Variants in NEU3 observed in about 807,000 individuals in gnomAD.
NEU3 encodes the protein sialidase-3.
In NEU3, 10 loss-of-function variants were observed where a neutral mutation model predicts 11.4. The observed-to-expected ratio is 0.88, with a 90% CI of 0.54 to 1.49. The LOEUF is 1.49. NEU3 is among the 40% of genes most tolerant of loss of function. The pLI is 0.00. For missense variants in NEU3, 529 were observed against 581.8 expected (o/e 0.91, Z 0.93); for synonymous variants, 212 against 228.2 (o/e 0.93, Z 0.64).
Position 75,007,058 on chromosome 11 carries a change from C to T in NEU3, c.*566C>T, listed in dbSNP as rs1040384011. 4 of 152,750 alleles carry T rather than the reference C, an allele frequency of 2.6e-5. No homozygotes were observed. The highest frequency in any genetic ancestry group is 9.7e-5 in the African/African-American group (4 of 41,450). 9.5% of individuals were successfully genotyped at this position (152,750 alleles called of 1,614,324 possible). On this transcript the variant is annotated 3_prime_UTR_variant, in exon 3 of 3. Coordinates refer to ENST00000294064, the MANE Select transcript of NEU3 (RefSeq NM_006656.6). ...AATAATGCTCAGTTCTGTAGGCTCT[C>T]TATCCTAGAGGAATTGAGCAAAACA...
Position 74,994,697 on chromosome 11 carries a change from T to C in NEU3, c.283T>C (p.Leu95=), listed in dbSNP as rs1319915842. The C allele has an allele frequency of 6.2e-7, 1 of 1,613,748 alleles. No individual in the cohort carries two copies. Among genetic ancestry groups the C allele is most frequent in the East Asian group, 2.2e-5 (1 of 44,882 alleles). The part of the protein sequence containing the change: ...DALHLVLRRG[L]RIGQLVQWGP... ...TCTCCACCTGGTGCTGAGGCGAGGG[T>C]TGAGGATTGGGCAGTTGGTACAGGT... The change falls in exon 2 of 3, where the codon TTG becomes CTG. Residue 95 remains leucine, a synonymous_variant. Transcript: ENST00000294064.
chr11:74,991,786 T>TGTTAAAAG (rs1948734886), intron 1 of NEU3, among the ~76,000 whole-genome samples: 2 of 152,302 alleles, frequency 1.3e-5, no homozygotes, highest in Non-Finnish European at 2.9e-5. Flanking sequence ...CTTTTAACCC[T>TGTTAAAAG]CAGTTGGCTA....
Position 75,006,457 on chromosome 11 carries a change from C to T in NEU3, c.1351C>T (p.Pro451Ser), listed in dbSNP as rs1565497917. Reference protein sequence around the residue: ...LSHLQGDCTSPGRNPSQFKSN With the variant: ...LSHLQGDCTSSGRNPSQFKSN ...TCACCTGCAGGGGGACTGCACCAGC[C>T]CTGGTAGGAACCCAAGCCAATTCAA... The change falls in exon 3 of 3, where the codon CCT becomes TCT. Residue 451 changes from proline to serine, a missense_variant. By Grantham distance (74) the Pro-to-Ser change is moderately conservative (BLOSUM62 -1). Coordinates refer to ENST00000294064, the MANE Select transcript of NEU3 (RefSeq NM_006656.6). 1.2e-6 allele frequency: 2 copies of T among 1,613,408 alleles called. No individual in the cohort carries two copies. Among genetic ancestry groups the T allele is most frequent in the Middle Eastern group, 1.6e-4 (1 of 6,062 alleles).
rs149743041 is a variant in NEU3 at position 75,004,427 on chromosome 11, A to C, written c.307-986A>C. On this transcript the variant is annotated intron_variant, in intron 2 of 2. Transcript: ENST00000294064. The stretch of plus-strand genomic sequence containing the variant: ...CATTGTCAGTTTCGTTTTAATTTGC[A>C]TTTCTCTCTTATGAGTGAAGCTGAA... The C allele has an allele frequency of 2.1e-3, 1,021 of 487,746 alleles. 7 individuals carry two copies. Among genetic ancestry groups the C allele is most frequent in the African/African-American group, 0.019 (916 of 49,498 alleles). The allele number at this position is 487,746 out of a possible 1,614,324, so 30.2% of individuals were successfully genotyped here. A position where few individuals can be genotyped will look rare whatever the true frequency, so the allele number is the denominator to read the frequency against.
At chr11:74,995,913 C>G (rs981365017) in intron 2 of NEU3, among the ~76,000 whole-genome samples, 1 of 151,878 alleles carries the variant, frequency 6.6e-6, no homozygotes, top group Non-Finnish European at 1.5e-5. Flanking sequence ...CAGAACTTTG[C>G]GAGGCCAAAG....
At chr11:74,999,589 T>G (rs1360721759) in intron 2 of NEU3, among the ~76,000 whole-genome samples, 5 of 152,240 alleles carry the variant, frequency 3.3e-5, no homozygotes, top group African/African-American at 9.6e-5. Context: ...GATACTTGAC[T>G]CTTCTCTGTT....
rs922416405 is a variant in NEU3, at chr11:75,009,181, C to G, written c.*2689C>G. The G allele has an allele frequency of 3.9e-5, 6 of 152,206 alleles. No homozygotes were observed. Among genetic ancestry groups the G allele is most frequent in the African/African-American group, 1.2e-4 (5 of 41,394 alleles). The allele number at this position is 152,206 out of a possible 1,614,324, so 9.4% of individuals were successfully genotyped here. A position where few individuals can be genotyped will look rare whatever the true frequency, so the allele number is the denominator to read the frequency against. On this transcript the variant is annotated 3_prime_UTR_variant, in exon 3 of 3. Transcript: ENST00000294064. Reference sequence around the variant, plus strand: ...GAAAAAACAGATCAGAAGAAGAGTCCTGGCACCTTAGGAAGAGAAAGTGTC... The same window carrying G: ...GAAAAAACAGATCAGAAGAAGAGTCGTGGCACCTTAGGAAGAGAAAGTGTC...
chr11:74,981,603 A>ATAC, the NEU3 span, among the ~76,000 whole-genome samples: 267 of 152,290 alleles, frequency 1.8e-3, no homozygotes, highest in Non-Finnish European at 2.5e-3. Context: ...GTTGCTGGCT[A>ATAC]TACCATAAGT....
At position 75,006,734 on chromosome 11, in the gene NEU3, T is replaced by C; in HGVS notation, c.*242T>C. ...CTGCCACTGGCTTGCTTTTGGACCT[T>C]GGATGTGTCACCTGAACTCTCTGGA... On this transcript the variant is annotated 3_prime_UTR_variant, in exon 3 of 3. Coordinates refer to ENST00000294064, the MANE Select transcript of NEU3 (RefSeq NM_006656.6). 2.1e-6 allele frequency: 1 copy of C among 483,754 alleles called. No individual in the cohort carries two copies. Among genetic ancestry groups the C allele is most frequent in the Non-Finnish European group, 3.7e-6 (1 of 273,008 alleles). The allele number at this position is 483,754 out of a possible 1,614,324, so 30.0% of individuals were successfully genotyped here.
intron 1 of NEU3, among the ~76,000 whole-genome samples, chr11:74,994,094 A>C (rs1210098422): frequency 6.6e-6 from 1 of 152,230 alleles, no homozygotes; most frequent in Non-Finnish European, 1.5e-5. Flanking sequence ...TTCGTACAGA[A>C]AAAAAGTTTT....
upstream of NEU3, among the ~76,000 whole-genome samples, chr11:74,987,442 T>C (rs1051575410): frequency 1.3e-5 from 2 of 152,196 alleles, no homozygotes; most frequent in African/African-American, 2.4e-5. Context: ...GCTAATCTTA[T>C]AAATTTTCTT....
chr11:74,992,449 C>G (rs1416006007), intron 1 of NEU3, among the ~76,000 whole-genome samples: 1 of 152,206 alleles, frequency 6.6e-6, no homozygotes, highest in Non-Finnish European at 1.5e-5. Flanking sequence ...ATTGTTCTTA[C>G]AGCCTGATAA....
downstream of NEU3, among the ~76,000 whole-genome samples, chr11:75,020,094 C>CTGCTGGATT (rs1485340680): frequency 7.9e-5 from 12 of 152,290 alleles, no homozygotes; most frequent in South Asian, 1.0e-3. Flanking sequence ...TTTGACTGCC[C>CTGCTGGATT]TGCTGGATTT....
At chr11:74,991,723 C>CA (rs1948734238) in intron 1 of NEU3, among the ~76,000 whole-genome samples, 1 of 152,218 alleles carries the variant, frequency 6.6e-6, no homozygotes, top group Admixed American at 6.5e-5. Flanking sequence ...CCCCAAAACT[C>CA]ACTGTTTTCT....
chr11:75,005,307 T>A, intron 2 of NEU3, 106 bp from the exon 3 acceptor site: 1 of 1,217,296 alleles, frequency 8.2e-7, no homozygotes, highest in Non-Finnish European at 1.1e-6. Flanking sequence ...TTTTATAGAT[T>A]TCAATATCAT....
downstream of NEU3, among the ~76,000 whole-genome samples, chr11:75,013,276 TC>T (rs1948967605): frequency 6.6e-6 from 1 of 151,736 alleles, no homozygotes; most frequent in East Asian, 1.9e-4. Context: ...ATCTGATGAG[TC>T]AGTGAATCCT....
Position 74,992,186 on chromosome 11 carries a change from A to G in NEU3, c.95-2323A>G, listed in dbSNP as rs1427288428. 2.0e-5 allele frequency among the ~76,000 whole-genome samples: 3 copies of G among 152,234 alleles called. No homozygotes were observed. The East Asian group carries it at 5.8e-4, about 29-fold the overall frequency. ...ATGAGGCAGGAGTTCTTTTGGCTCA[A>G]TCATTCTCTCCAAAAATCCTTCTCT... On this transcript the variant is annotated intron_variant, in intron 1 of 2. Coordinates refer to ENST00000294064, the MANE Select transcript of NEU3 (RefSeq NM_006656.6).
At chr11:74,984,502 C>G (rs116062492), upstream of NEU3, among the ~76,000 whole-genome samples, 385 of 152,252 alleles carry the variant, frequency 2.5e-3, 2 homozygotes, top group African/African-American at 8.9e-3. Context: ...TAGTAACAGG[C>G]TATCTTGTTA....
In NEU3 at chr11:74,991,200, G is replaced by A. The variant is rs550853941; in HGVS notation, c.94+2046G>A. 1.2e-3 allele frequency among the ~76,000 whole-genome samples: 187 copies of A among 152,244 alleles called. 1 individual carries two copies. In the South Asian group the frequency reaches 0.037, roughly 30 times the overall value. ...GCTTAGAACAAAGCCTGACCCTCCC[G>A]GGGAGGAGAGCCTGAATTGAGGGGA... On this transcript the variant is annotated intron_variant, in intron 1 of 2. Coordinates refer to ENST00000294064, the MANE Select transcript of NEU3 (RefSeq NM_006656.6).
Sources: gnomAD v4.1 joint callset for allele counts (sites outside exome capture counted in the v4.1 genomes callset) on GRCh38, gnomAD v4.1.1 for gene constraint, MANE v1.5 for transcripts, NCBI Gene and HGNC (gene_info 2026-07-23, HGNC 2026-07-21) for gene names.